Variants in RFTN1 observed in about 807,000 individuals in gnomAD.
RFTN1 encodes the protein raftlin.
A neutral mutation model predicts 46.5 loss-of-function variants in RFTN1; 26 were observed. The ratio of observed to expected loss-of-function variants is 0.56; its 90% CI spans 0.41 to 0.78. The LOEUF is 0.78. Ranked by LOEUF, RFTN1 falls within the 30% of genes least tolerant of loss-of-function variation. The pLI is 0.00. For missense variants in RFTN1, 693 were observed against 718.7 expected (o/e 0.96, Z 0.41); for synonymous variants, 261 against 284.2 (o/e 0.92, Z 0.82).
At chr3:16,350,492 CTTT>C (rs11324617) in intron 7 of RFTN1, among the ~76,000 whole-genome samples, 5 of 146,542 alleles carry the variant, frequency 3.4e-5, no homozygotes, top group South Asian at 2.2e-4. Context: ...AGATGAATCA[CTTT>C]TTTTTTTTTT....
At chr3:16,491,785 A>C (rs1201206439) in intron 2 of RFTN1, among the ~76,000 whole-genome samples, 2 of 152,168 alleles carry the variant, frequency 1.3e-5, no homozygotes, top group South Asian at 2.1e-4. Context: ...AAACAAAAAA[A>C]AAAAACAACT....
At position 16,424,367 on chromosome 3, in the gene RFTN1, C is replaced by A. The variant is rs929754827; in HGVS notation, c.332+9484G>T. Among the ~76,000 whole-genome samples, 24 of 152,148 alleles carry A rather than the reference C, an allele frequency of 1.6e-4. No individual in the cohort carries two copies. Among genetic ancestry groups the A allele is most frequent in the African/African-American group, 5.8e-4 (24 of 41,446 alleles). ...GGGGAATGAGGGAAGGTCATGGTAT[C>A]TTTTGGTTACAAAACAGTGTATGTC... On this transcript the variant is annotated intron_variant, in intron 3 of 9. Coordinates refer to ENST00000334133, the MANE Select transcript of RFTN1 (RefSeq NM_015150.2). The surrounding 1 kb of genome is among the most constrained non-coding windows in gnomAD (Gnocchi z 4.7).
chr3:16,404,157 ATT>A (rs1400570929), intron 4 of RFTN1, among the ~76,000 whole-genome samples: 2 of 41,108 alleles, frequency 4.9e-5, no homozygotes, highest in Non-Finnish European at 7.9e-5. Flanking sequence ...TTTTATATAT[ATT>A]ATATATAATA....
intron 3 of RFTN1, among the ~76,000 whole-genome samples, chr3:16,419,697 G>GA (rs969685306): frequency 9.9e-5 from 15 of 152,102 alleles, no homozygotes; most frequent in Non-Finnish European, 1.8e-4. Context: ...AATACTTGAG[G>GA]AAAAAATAGT....
intron 6 of RFTN1, among the ~76,000 whole-genome samples, chr3:16,359,288 C>T (rs1198416381): frequency 1.3e-5 from 2 of 152,088 alleles, no homozygotes; most frequent in East Asian, 1.9e-4. Context: ...CTCTTGGTTC[C>T]CAGACTTGAT....
chr3:16,444,818 C>T (rs2075697458), intron 2 of RFTN1, among the ~76,000 whole-genome samples: 1 of 152,186 alleles, frequency 6.6e-6, no homozygotes. Flanking sequence ...CTTGATTTAA[C>T]CCACCACCAC....
At chr3:16,439,402 C>A (rs889509364) in intron 2 of RFTN1, among the ~76,000 whole-genome samples, 1 of 152,220 alleles carries the variant, frequency 6.6e-6, no homozygotes, top group African/African-American at 2.4e-5. Context: ...TGCCTGATTT[C>A]ATTTACAAAT....
chr3:16,359,975 A>AT (rs2072720392), intron 6 of RFTN1, among the ~76,000 whole-genome samples: 1 of 152,244 alleles, frequency 6.6e-6, no homozygotes, highest in Non-Finnish European at 1.5e-5. Flanking sequence ...AAGAGACCCC[A>AT]TAAACAAAAG....
Position 16,384,027 on chromosome 3 carries a change from C to A in RFTN1, c.442-5925G>T, listed in dbSNP as rs74417357. 6.6e-6 allele frequency among the ~76,000 whole-genome samples: 1 copy of A among 152,172 alleles called. No individual in the cohort carries two copies. Among genetic ancestry groups the A allele is most frequent in the East Asian group, 1.9e-4 (1 of 5,204 alleles). ...TTAACATTTACTATCAGTTGACTTT[C>A]GGTAAAGTGGATTCCTCCATTATTA... On this transcript the variant is annotated intron_variant, in intron 4 of 9. Coordinates refer to ENST00000334133, the MANE Select transcript of RFTN1 (RefSeq NM_015150.2). The surrounding 1 kb of genome is among the most constrained non-coding windows in gnomAD (Gnocchi z 4.7).
Position 16,446,308 on chromosome 3 carries a change from G to C in RFTN1, c.146-12271C>G, listed in dbSNP as rs1428454978. On this transcript the variant is annotated intron_variant, in intron 2 of 9. Coordinates refer to ENST00000334133, the MANE Select transcript of RFTN1 (RefSeq NM_015150.2). This position sits in a 1 kb window ranked among gnomAD's most constrained non-coding sequence, Gnocchi z 4.5. ...AGAAACCTTTAAAAAAAAAAAAACT[G>C]TGGTAAAATATGCCTAACATCAAAT... is the stretch of plus-strand genomic sequence containing the variant. Among the ~76,000 whole-genome samples the C allele has an allele frequency of 6.6e-6, 1 of 151,220 alleles. No homozygotes were observed. Among genetic ancestry groups the C allele is most frequent in the Non-Finnish European group, 1.5e-5 (1 of 67,892 alleles).
At chr3:16,434,593 G>C (rs763613956) in intron 2 of RFTN1, 1 of 151,892 alleles carries the variant, frequency 6.6e-6, no homozygotes, top group East Asian at 1.9e-4. Context: ...GACTGTCTTA[G>C]ATCTAGAGTC....
intron 7 of RFTN1, among the ~76,000 whole-genome samples, chr3:16,330,306 G>A (rs900961452): frequency 2.0e-5 from 3 of 152,178 alleles, no homozygotes; most frequent in African/African-American, 4.8e-5. Flanking sequence ...AATGTTAAAT[G>A]TGATTTTCCG....
At position 16,336,487 on chromosome 3, in the gene RFTN1, C is replaced by T. The variant is rs1041185902; in HGVS notation, c.1147-9611G>A. Reference sequence around the variant, plus strand: ...TCACCCTCAGCCTCCCAGGCCTCTGCGGGAGGGAGGGACAGGCACGCTGGC... The same window carrying T: ...TCACCCTCAGCCTCCCAGGCCTCTGTGGGAGGGAGGGACAGGCACGCTGGC... On this transcript the variant is annotated intron_variant, in intron 7 of 9. Transcript: ENST00000334133. The surrounding 1 kb of genome is among the most constrained non-coding windows in gnomAD (Gnocchi z 6.0). Among the ~76,000 whole-genome samples the T allele has an allele frequency of 1.1e-4, 17 of 152,126 alleles. No homozygotes were observed. Among genetic ancestry groups the T allele is most frequent in the Non-Finnish European group, 2.4e-4 (16 of 67,998 alleles).
In RFTN1 at chr3:16,480,457, C is replaced by G. The variant is rs1451744917; in HGVS notation, c.145+13268G>C. The stretch of plus-strand genomic sequence containing the variant: ...ACATCTCAGTGGCTGCTAAGTGTAG[C>G]AGGTACTCCTTGCCCATGTAATTTT... On this transcript the variant is annotated intron_variant, in intron 2 of 9. Transcript: ENST00000334133. This position sits in a 1 kb window ranked among gnomAD's most constrained non-coding sequence, Gnocchi z 4.3. Among the ~76,000 whole-genome samples, 1 of 152,182 alleles carries G rather than the reference C, an allele frequency of 6.6e-6. No individual in the cohort carries two copies. Among genetic ancestry groups the G allele is most frequent in the African/African-American group, 2.4e-5 (1 of 41,432 alleles).
At chr3:16,389,689 T>C (rs525851) in intron 4 of RFTN1, among the ~76,000 whole-genome samples, 29,933 of 152,066 alleles carry the variant, frequency 0.2, 3,314 homozygotes, top group East Asian at 0.29. Flanking sequence ...ATAAGCATGT[T>C]GGAATTCATG....
chr3:16,391,358 T>G (rs2074337599), intron 4 of RFTN1, among the ~76,000 whole-genome samples: 1 of 152,212 alleles, frequency 6.6e-6, no homozygotes, highest in Non-Finnish European at 1.5e-5. Context: ...GTTACATGTA[T>G]AGAATACAGT....
intron 2 of RFTN1, among the ~76,000 whole-genome samples, chr3:16,436,357 A>AT (rs2075515000): frequency 1.5e-5 from 2 of 130,990 alleles, no homozygotes; most frequent in African/African-American, 5.6e-5. Context: ...TGAAAAAAAA[A>AT]ATTTTTTTTT....
At chr3:16,350,837 A>G (rs1575094516) in intron 7 of RFTN1, among the ~76,000 whole-genome samples, 1 of 152,212 alleles carries the variant, frequency 6.6e-6, no homozygotes, top group East Asian at 1.9e-4. Flanking sequence ...AACCAAAGTA[A>G]TTATCTTGGA....
chr3:16,333,931 C>T (rs377404216), intron 7 of RFTN1, among the ~76,000 whole-genome samples: 23 of 151,858 alleles, frequency 1.5e-4, no homozygotes, highest in African/African-American at 4.8e-4. Flanking sequence ...TTTGGGAGGC[C>T]GACGCGGGTA....
Sources: allele counts gnomAD v4.1 joint callset (sites outside exome capture counted in the v4.1 genomes callset), GRCh38; gene constraint gnomAD v4.1.1; non-coding constraint Gnocchi (gnomAD v3.1); transcripts MANE v1.5; gene names NCBI Gene and HGNC (gene_info 2026-07-23, HGNC 2026-07-21).